Variants in NEUROD6 observed in about 807,000 individuals in gnomAD.
NEUROD6 encodes the protein neurogenic differentiation factor 6.
In NEUROD6, 5 loss-of-function variants were observed where a neutral mutation model predicts 24.1. The observed-to-expected ratio is 0.21, with a 90% CI of 0.11 to 0.44. NEUROD6 has a LOEUF of 0.44. Among genes scored for constraint, NEUROD6 ranks in the 20% least tolerant of loss-of-function variants. The probability of loss-of-function intolerance (pLI) is 0.99; values close to 1 mark genes in which losing one functional copy is unlikely to be tolerated. For missense variants in NEUROD6, 325 were observed against 409.5 expected (o/e 0.79, Z 1.78); for synonymous variants, 182 against 154.1 (o/e 1.18, Z -1.34).
intron 1 of NEUROD6, 99 bp from the exon 2 acceptor site, chr7:31,339,388 G>A (rs1016030382): frequency 3.6e-5 from 35 of 975,128 alleles, no homozygotes; most frequent in Non-Finnish European, 4.8e-5. Flanking sequence ...ACAAAAACAC[G>A]TGAAAAAGAC....
At chr7:31,339,945 G>A (rs1007761943) in intron 1 of NEUROD6, among the ~76,000 whole-genome samples, 13 of 152,012 alleles carry the variant, frequency 8.6e-5, no homozygotes, top group Admixed American at 4.6e-4. Flanking sequence ...AAAAAGAAAA[G>A]GGGATTAGGC....
In NEUROD6 at chr7:31,338,143, A is replaced by G; in HGVS notation, c.*112T>C. ...CACAATAGTTGAAACACACTTCAGA[A>G]ACTAGTAAACACCTTAGATAGAGTT... On this transcript the variant is annotated 3_prime_UTR_variant, in exon 2 of 2. Coordinates refer to ENST00000297142, the MANE Select transcript of NEUROD6 (RefSeq NM_022728.4). This position sits in a 1 kb window ranked among gnomAD's most constrained non-coding sequence, Gnocchi z 5.1. The G allele has an allele frequency of 1.3e-6, 1 of 790,974 alleles. No individual in the cohort carries two copies. Among genetic ancestry groups the G allele is most frequent in the East Asian group, 2.7e-5 (1 of 37,180 alleles). The allele number at this position is 790,974 out of a possible 1,614,324, so 49.0% of individuals were successfully genotyped here.
At position 31,338,481 on chromosome 7, in the gene NEUROD6, G is replaced by A; in HGVS notation, c.788C>T (p.Pro263Leu). 6.2e-7 allele frequency: 1 copy of A among 1,613,890 alleles called. No homozygotes were observed. Among genetic ancestry groups the A allele is most frequent in the Non-Finnish European group, 8.5e-7 (1 of 1,179,804 alleles). ...SPQFEGPLSP[P>L]PINYNGIFSL... ...AAATATCCCATTATAGTTAATTGGG[G>A]GAGGACTTAAGGGACCTTCAAACTG... The change falls in exon 2 of 2, where the codon CCC (proline) becomes CTC (leucine). Residue 263 changes from proline to leucine, a missense_variant. Transcript: ENST00000297142. The surrounding 1 kb of genome is among the most constrained non-coding windows in gnomAD (Gnocchi z 5.1).
At chr7:31,340,380 A>G (rs1783109740) in intron 1 of NEUROD6, among the ~76,000 whole-genome samples, 1 of 152,210 alleles carries the variant, frequency 6.6e-6, no homozygotes, top group Non-Finnish European at 1.5e-5. Context: ...ACACATATAC[A>G]CACGAACACA....
chr7:31,339,335 G>A, intron 1 of NEUROD6, 46 bp from the exon 2 acceptor site: 1 of 1,394,780 alleles, frequency 7.2e-7, no homozygotes. Flanking sequence ...CATTTTTAAA[G>A]TTTATACACT....
At position 31,337,639 on chromosome 7, in the gene NEUROD6, CA is replaced by C. The variant is rs1352293986; in HGVS notation, c.*615del. The C allele has an allele frequency of 6.6e-6, 1 of 152,552 alleles. No homozygotes were observed. The highest frequency in any genetic ancestry group is 1.9e-4 in the East Asian group (1 of 5,200). 9.4% of individuals were successfully genotyped at this position (152,552 alleles called of 1,614,324 possible). A position where few individuals can be genotyped will look rare whatever the true frequency, so the allele number is the denominator to read the frequency against. Reference sequence around the variant, plus strand: ...TCCCCGAATTATGACATCAGCTACCCAAATATCATGTTGCCCCATCTGCAAA... The same window carrying C: ...TCCCCGAATTATGACATCAGCTACCCAATATCATGTTGCCCCATCTGCAAA... On this transcript the variant is annotated 3_prime_UTR_variant, in exon 2 of 2. Coordinates refer to ENST00000297142, the MANE Select transcript of NEUROD6 (RefSeq NM_022728.4).
rs1189922175 is a variant in NEUROD6 at position 31,337,570 on chromosome 7, C to A, written c.*685G>T. The A allele has an allele frequency of 6.6e-6, 1 of 152,516 alleles. No individual in the cohort carries two copies. The highest frequency in any genetic ancestry group is 1.5e-5 in the Non-Finnish European group (1 of 68,012). 9.4% of individuals were successfully genotyped at this position (152,516 alleles called of 1,614,324 possible). ...CTGTACAGTTAATTTCTGAATAATA[C>A]AAAACAAGTGCTGAAATTTTTTTCT... On this transcript the variant is annotated 3_prime_UTR_variant, in exon 2 of 2. Coordinates refer to ENST00000297142, the MANE Select transcript of NEUROD6 (RefSeq NM_022728.4).
Position 31,338,342 on chromosome 7 carries a change from G to A in NEUROD6, c.927C>T (p.Pro309=). The A allele has an allele frequency of 6.2e-7, 1 of 1,614,142 alleles. No homozygotes were observed. Among genetic ancestry groups the A allele is most frequent in the Non-Finnish European group, 8.5e-7 (1 of 1,180,032 alleles). The change falls in exon 2 of 2, where the codon CCC becomes CCT. Residue 309 remains proline (P), a synonymous_variant. Transcript: ENST00000297142. This position sits in a 1 kb window ranked among gnomAD's most constrained non-coding sequence, Gnocchi z 5.1. ...PLGQGAMFRL[P]TDSHFPYDLH... is the part of the protein sequence containing the mutation. ...AGTCGTAAGGGAAGTGGCTGTCGGT[G>A]GGCAACCTGAACATGGCACCCTGCC...
Position 31,338,377 on chromosome 7 carries a change from C to A in NEUROD6, c.892G>T (p.Gly298Cys), listed in dbSNP as rs145776906. Residue 298 changes from glycine (G) to cysteine (C), a missense_variant, in exon 2 of 2, where the codon GGT becomes TGT. Physicochemically the swap from Gly to Cys is radical, Grantham distance 159. Around this residue, in one of 3 missense-constraint regions of NEUROD6, gnomAD observed 175 missense variants for 201.3 expected, o/e 0.87. Coordinates refer to ENST00000297142, the MANE Select transcript of NEUROD6 (RefSeq NM_022728.4). This position sits in a 1 kb window ranked among gnomAD's most constrained non-coding sequence, Gnocchi z 5.1. ...GMHYCAVPPRGPLGQGAMFRL... is the reference protein window; with the variant it reads ...GMHYCAVPPRCPLGQGAMFRL... ...AACATGGCACCCTGCCCAAGGGGAC[C>A]CCTGGGTGGCACTGCACAGTAATGC... 4 of 1,613,990 alleles carry A rather than the reference C, an allele frequency of 2.5e-6. No homozygotes were observed. Among genetic ancestry groups the A allele is most frequent in the Non-Finnish European group, 3.4e-6 (4 of 1,179,998 alleles).
In NEUROD6 at chr7:31,338,537, A is replaced by G. The variant is rs1783091986; in HGVS notation, c.732T>C (p.Tyr244=). The part of the protein sequence containing the change: ...YNYCSAYESF[Y]ESTSPECASP... Reference sequence around the variant, plus strand: ...TGGCACACTCAGGGGAAGTACTTTCATAGAAGGATTCATACGCACTGCAAT... The same window carrying G: ...TGGCACACTCAGGGGAAGTACTTTCGTAGAAGGATTCATACGCACTGCAAT... Residue 244 remains tyrosine (Y), a synonymous_variant, in exon 2 of 2, where the codon TAT becomes TAC. Coordinates refer to ENST00000297142, the MANE Select transcript of NEUROD6 (RefSeq NM_022728.4). This position sits in a 1 kb window ranked among gnomAD's most constrained non-coding sequence, Gnocchi z 5.1. The G allele has an allele frequency of 6.2e-7, 1 of 1,614,208 alleles. No homozygotes were observed. The highest frequency in any genetic ancestry group is 8.5e-7 in the Non-Finnish European group (1 of 1,180,046).
rs1783090434 is a variant in NEUROD6, at chr7:31,338,409, T to C, written c.860A>G (p.Tyr287Cys). 6.2e-7 allele frequency: 1 copy of C among 1,614,090 alleles called. No individual in the cohort carries two copies. The highest frequency in any genetic ancestry group is 1.3e-5 in the African/African-American group (1 of 74,934). ...TGGCACTGCACAGTAATGCATGCCG[T>C]AATTGTAATTTTTACCATAGTCCAA... ...ETLDYGKNYNYGMHYCAVPPR... is the reference protein window; with the variant it reads ...ETLDYGKNYNCGMHYCAVPPR... The change falls in exon 2 of 2, where the codon TAC becomes TGC. Residue 287 changes from tyrosine to cysteine, a missense_variant. Transcript: ENST00000297142. The surrounding 1 kb of genome is among the most constrained non-coding windows in gnomAD (Gnocchi z 5.1).
At chr7:31,339,750 T>A (rs1360724655) in intron 1 of NEUROD6, among the ~76,000 whole-genome samples, 3 of 141,284 alleles carry the variant, frequency 2.1e-5, no homozygotes, top group African/African-American at 5.0e-5. Context: ...GTTCTTTTTT[T>A]AAAACAAACA....
Position 31,337,999 on chromosome 7 carries a change from A to G in NEUROD6, c.*256T>C, listed in dbSNP as rs1584666104. Reference sequence around the variant, plus strand: ...TTCAAACAAATTAAATAAGTTTAAAAGAAAATTAAAAAGAAAAAAATCTTT... The same window carrying G: ...TTCAAACAAATTAAATAAGTTTAAAGGAAAATTAAAAAGAAAAAAATCTTT... On this transcript the variant is annotated 3_prime_UTR_variant, in exon 2 of 2. Coordinates refer to ENST00000297142, the MANE Select transcript of NEUROD6 (RefSeq NM_022728.4). 2.3e-6 allele frequency: 1 copy of G among 436,314 alleles called. No homozygotes were observed. Among genetic ancestry groups the G allele is most frequent in the Non-Finnish European group, 4.0e-6 (1 of 247,152 alleles). The allele number at this position is 436,314 out of a possible 1,614,324, so 27.0% of individuals were successfully genotyped here.
In NEUROD6 at chr7:31,339,374, G is replaced by A; in HGVS notation, c.-21-85C>T. ...AACATATTTAATTATTTAATCATAA[G>A]ATTACAAAAACACGTGAAAAAGACT... is the stretch of plus-strand genomic sequence containing the variant. On this transcript the variant is annotated intron_variant, in intron 1 of 1. Transcript: ENST00000297142. 3 of 1,108,732 alleles carry A rather than the reference G, an allele frequency of 2.7e-6. No homozygotes were observed. In the South Asian group the frequency reaches 6.5e-5, roughly 24 times the overall value. The allele number at this position is 1,108,732 out of a possible 1,614,324, so 68.7% of individuals were successfully genotyped here.
Position 31,338,662 on chromosome 7 carries a change from G to A in NEUROD6, c.607C>T (p.Pro203Ser). Residue 203 changes from proline (P) to serine (S), a missense_variant, in exon 2 of 2, where the codon CCC becomes TCC. Coordinates refer to ENST00000297142, the MANE Select transcript of NEUROD6 (RefSeq NM_022728.4). This position sits in a 1 kb window ranked among gnomAD's most constrained non-coding sequence, Gnocchi z 5.1. The stretch of plus-strand genomic sequence containing the variant: ...TAGGGTGGGTAGAAGGTAGAGTAGG[G>A]TGACCTTGTGTGGTGTGCAGCCTCC... ...GGEAAHHTRS[P>S]YSTFYPPYHS... 1 of 1,614,108 alleles carries A rather than the reference G, an allele frequency of 6.2e-7. No homozygotes were observed. The highest frequency in any genetic ancestry group is 8.5e-7 in the Non-Finnish European group (1 of 1,180,034).
At position 31,337,602 on chromosome 7, in the gene NEUROD6, TTGAGA is replaced by T. The variant is rs1313804356; in HGVS notation, c.*648_*652del. 3 of 152,664 alleles carry T rather than the reference TTGAGA, an allele frequency of 2.0e-5. No homozygotes were observed. Among genetic ancestry groups the T allele is most frequent in the South Asian group, 2.1e-4 (1 of 4,836 alleles). 9.5% of individuals were successfully genotyped at this position (152,664 alleles called of 1,614,324 possible). A position where few individuals can be genotyped will look rare whatever the true frequency, so the allele number is the denominator to read the frequency against. On this transcript the variant is annotated 3_prime_UTR_variant, in exon 2 of 2. Transcript: ENST00000297142. ...AGTGCTGAAATTTTTTTCTTGATGA[TTGAGA>T]TAATTGTCCCCGAATTATGACATCA...
intron 1 of NEUROD6, among the ~76,000 whole-genome samples, chr7:31,340,017 A>T (rs1175014126): frequency 6.7e-6 from 1 of 149,260 alleles, no homozygotes; most frequent in Non-Finnish European, 1.5e-5. Flanking sequence ...ATTTCTTTTA[A>T]TTAAAAAAAA....
rs778784049 is a variant in NEUROD6 at position 31,338,462 on chromosome 7, C to G, written c.807G>C (p.Gly269=). Residue 269 remains glycine (G), a synonymous_variant, in exon 2 of 2, where the codon GGG becomes GGC. Transcript: ENST00000297142. The surrounding 1 kb of genome is among the most constrained non-coding windows in gnomAD (Gnocchi z 5.1). ...PLSPPPINYN[G]IFSLKQEETL... is the part of the protein sequence containing the mutation. ...TTTCTTCTTGCTTCAGGGAAAATAT[C>G]CCATTATAGTTAATTGGGGGAGGAC... The G allele has an allele frequency of 1.9e-6, 3 of 1,614,054 alleles. No individual in the cohort carries two copies. The highest frequency in any genetic ancestry group is 2.5e-6 in the Non-Finnish European group (3 of 1,180,002).
rs763965944 is a variant in NEUROD6 at position 31,338,921 on chromosome 7, G to A, written c.348C>T (p.Asn116=). 1.2e-6 allele frequency: 2 copies of A among 1,614,146 alleles called. No homozygotes were observed. The highest frequency in any genetic ancestry group is 1.1e-5 in the South Asian group (1 of 91,078). ...RMHGLNDALD[N]LRKVVPCYSK... ...AATAACAGGGGACCACTTTTCTTAA[G>A]TTGTCCAGAGCGTCGTTGAGGCCGT... The change falls in exon 2 of 2, where the codon AAC becomes AAT. Residue 116 remains asparagine, a synonymous_variant. Transcript: ENST00000297142. The surrounding 1 kb of genome is among the most constrained non-coding windows in gnomAD (Gnocchi z 5.1).
Sources: allele counts gnomAD v4.1 joint callset (sites outside exome capture counted in the v4.1 genomes callset), GRCh38; gene constraint gnomAD v4.1.1; regional missense constraint gnomAD v4.1.1; non-coding constraint Gnocchi (gnomAD v3.1); transcripts MANE v1.5; gene names NCBI Gene and HGNC (gene_info 2026-07-23, HGNC 2026-07-21).